HSDL2: variants seen among roughly 807,000 people sequenced by gnomAD.
HSDL2 encodes hydroxysteroid dehydrogenase like 2, also known as hydroxysteroid dehydrogenase-like protein 2.
HSDL2 carries 27 observed loss-of-function variants against 46.3 expected under a neutral mutation model. The ratio of observed to expected loss-of-function variants is 0.58; its 90% confidence interval spans 0.43 to 0.80. HSDL2 has a LOEUF of 0.80. HSDL2 is among the 30% of genes least tolerant of loss of function. HSDL2 has a pLI of 0.00. For synonymous variants in HSDL2, 153 were observed against 163.6 expected, an observed-to-expected ratio of 0.94 and a Z score of 0.50; for missense variants, 451 against 502.7, an observed-to-expected ratio of 0.90 and a Z score of 0.98.
intron 4 of HSDL2, among the ~76,000 whole-genome samples, chr9:112,410,886 C>T (rs977235881): frequency 1.1e-4 from 16 of 152,040 alleles, no homozygotes; most frequent in East Asian, 7.7e-4. Context: ...CTGAGATCAC[C>T]CTACTGCACT....
intron 4 of HSDL2, among the ~76,000 whole-genome samples, chr9:112,415,151 A>T (rs1003310052): frequency 2.4e-4 from 37 of 152,310 alleles, no homozygotes; most frequent in African/African-American, 7.2e-4. Context: ...TACCTTAATG[A>T]GTGACTTTTT....
intron 6 of HSDL2, among the ~76,000 whole-genome samples, chr9:112,427,818 T>G (rs1422190411): frequency 1.3e-5 from 2 of 152,218 alleles, no homozygotes; most frequent in South Asian, 2.1e-4. Context: ...TGGCATTATT[T>G]TATTTATTCA....
intron 10 of HSDL2, among the ~76,000 whole-genome samples, chr9:112,468,270 C>A (rs1339613511): frequency 2.0e-5 from 3 of 152,156 alleles, no homozygotes; most frequent in Admixed American, 2.0e-4. Flanking sequence ...ATTTTCCCAG[C>A]CCCTTGAAAA....
At chr9:112,387,985 C>A (rs1831253274) in intron 1 of HSDL2, among the ~76,000 whole-genome samples, 1 of 151,866 alleles carries the variant, frequency 6.6e-6, no homozygotes, top group African/African-American at 2.4e-5. Flanking sequence ...ATGGTGAGAC[C>A]CTGTCTCCAC....
At chr9:112,447,882 G>C (rs1011264777) in intron 8 of HSDL2, among the ~76,000 whole-genome samples, 6 of 152,146 alleles carry the variant, frequency 3.9e-5, no homozygotes, top group Non-Finnish European at 7.4e-5. Context: ...ATTAACTTTT[G>C]TATGTTCTGT....
intron 10 of HSDL2, among the ~76,000 whole-genome samples, chr9:112,467,180 A>G (rs1833417801): frequency 7.9e-6 from 1 of 126,514 alleles, no homozygotes; most frequent in Admixed American, 9.0e-5. Context: ...ATGTCCATTA[A>G]GGGATGCATG....
chr9:112,402,579 A>G (rs547679208), intron 1 of HSDL2, among the ~76,000 whole-genome samples: 1 of 149,950 alleles, frequency 6.7e-6, no homozygotes, highest in South Asian at 2.1e-4. Context: ...GTAGGAGTTC[A>G]AGGCCAGCCT....
Position 112,470,491 on chromosome 9 carries a change from GCC to G in HSDL2, c.1206_1207del (p.Leu403SerfsTer31). 1 of 1,611,498 alleles carries G rather than the reference GCC, an allele frequency of 6.2e-7. No individual in the cohort carries two copies. The highest frequency in any genetic ancestry group is 1.1e-5 in the South Asian group (1 of 90,800). On this transcript the variant is annotated frameshift_variant, in exon 11 of 11. Transcript: ENST00000398805. LOFTEE classifies it high-confidence loss of function. ...GAAATTGAAGATTAAAGGTAACATG[GCC>G]CTAGCAATCAAATTGGAGAAGCTAA... ...SGKLKIKGNM[A>X]LAIKLEKLMN... is the part of the protein sequence containing the mutation.
chr9:112,459,414 C>A lies in HSDL2; in HGVS notation c.1016-35C>A, dbSNP rs750772568. ...ATTAAATTTAAGAAGAACAGGGCTT[C>A]TATGACATTGATTTCTATATGTTTA... On this transcript the variant is annotated intron_variant, in intron 9 of 10. Coordinates refer to ENST00000398805, the MANE Select transcript of HSDL2 (RefSeq NM_032303.5). 7.5e-6 allele frequency: 12 copies of A among 1,606,544 alleles called. No individual in the cohort carries two copies. In the African/African-American group the frequency reaches 1.5e-4, roughly 20 times the overall value.
At chr9:112,420,517 A>C (rs1180326989) in intron 6 of HSDL2, among the ~76,000 whole-genome samples, 4 of 45,838 alleles carry the variant, frequency 8.7e-5, no homozygotes, top group Non-Finnish European at 2.3e-4. Flanking sequence ...AAAAAAAAAA[A>C]CACACACAAA....
chr9:112,464,707 A>G (rs1438534893), intron 10 of HSDL2, among the ~76,000 whole-genome samples: 3 of 152,240 alleles, frequency 2.0e-5, no homozygotes, highest in Non-Finnish European at 4.4e-5. Context: ...TTGAGATATA[A>G]TTCATATACC....
intron 9 of HSDL2, among the ~76,000 whole-genome samples, chr9:112,456,453 C>T (rs1833027107): frequency 6.6e-6 from 1 of 152,126 alleles, no homozygotes; most frequent in Admixed American, 6.5e-5. Flanking sequence ...TGCTCCTTCC[C>T]CAGTCCTTCA....
At chr9:112,383,878 A>AT (rs1045213004) in intron 1 of HSDL2, among the ~76,000 whole-genome samples, 2 of 151,870 alleles carry the variant, frequency 1.3e-5, no homozygotes, top group African/African-American at 4.8e-5. Context: ...TTTTTAAAAA[A>AT]TTTTTTTGTA....
At chr9:112,400,461 G>T (rs1831564131) in intron 1 of HSDL2, among the ~76,000 whole-genome samples, 1 of 152,184 alleles carries the variant, frequency 6.6e-6, no homozygotes, top group African/African-American at 2.4e-5. Context: ...ACAAAAATTG[G>T]CTGGGCGTGG....
At chr9:112,461,576 C>T (rs568761140) in intron 10 of HSDL2, among the ~76,000 whole-genome samples, 3 of 152,292 alleles carry the variant, frequency 2.0e-5, no homozygotes, top group South Asian at 2.1e-4. Flanking sequence ...ATGGAAATAA[C>T]AGTAATTATG....
intron 6 of HSDL2, among the ~76,000 whole-genome samples, chr9:112,433,281 G>A (rs963895887): frequency 6.6e-6 from 1 of 152,174 alleles, no homozygotes; most frequent in Non-Finnish European, 1.5e-5. Flanking sequence ...GGAACTACAA[G>A]GTTGGTGTAT....
At position 112,471,805 on chromosome 9, in the gene HSDL2, A is replaced by G. The variant is rs893592990; in HGVS notation, c.*1261A>G. ...TTAAAAAGCTCTTATCTTTCATTTCAATCAGTTAAAAATACTTGCTCAGTG... is the reference window on the plus strand; with the variant it reads ...TTAAAAAGCTCTTATCTTTCATTTCGATCAGTTAAAAATACTTGCTCAGTG... On this transcript the variant is annotated 3_prime_UTR_variant, in exon 11 of 11. Transcript: ENST00000398805. 2 of 152,218 alleles carry G rather than the reference A, an allele frequency of 1.3e-5. No homozygotes were observed. The highest frequency in any genetic ancestry group is 2.9e-5 in the Non-Finnish European group (2 of 68,026). 9.4% of individuals were successfully genotyped at this position (152,218 alleles called of 1,614,324 possible).
chr9:112,423,443 G>T (rs1564117850), intron 6 of HSDL2, among the ~76,000 whole-genome samples: 1 of 151,894 alleles, frequency 6.6e-6, no homozygotes, highest in Non-Finnish European at 1.5e-5. Context: ...CTGAGTAGCT[G>T]GGTTTACAGG....
chr9:112,433,190 G>GGAGAACT (rs1169131317), intron 6 of HSDL2, among the ~76,000 whole-genome samples: 1 of 152,186 alleles, frequency 6.6e-6, no homozygotes, highest in African/African-American at 2.4e-5. Context: ...TTTTCAAAAA[G>GGAGAACT]GAGAACTGGG....
Sources: allele counts gnomAD v4.1 joint callset (sites outside exome capture counted in the v4.1 genomes callset), GRCh38; gene constraint gnomAD v4.1.1; transcripts MANE v1.5; gene names NCBI Gene and HGNC (gene_info 2026-07-23, HGNC 2026-07-21).